NXPH1: variants seen among roughly 807,000 people sequenced by gnomAD.
NXPH1 encodes the protein neurexophilin 1.
In NXPH1, 5 loss-of-function variants were observed where a neutral mutation model predicts 23.7. The ratio of observed to expected loss-of-function variants is 0.21; its 90% CI spans 0.11 to 0.44. The LOEUF is 0.44. NXPH1 is among the 20% of genes least tolerant of loss of function. NXPH1 has a pLI of 0.99. For synonymous variants in NXPH1, 144 were observed against 122.2 expected (o/e 1.18, Z -1.18); for missense variants, 324 against 321.6 (o/e 1.01, Z -0.06).
intron 2 of NXPH1, among the ~76,000 whole-genome samples, chr7:8,513,240 G>A (rs1056936018): frequency 1.3e-5 from 2 of 152,010 alleles, no homozygotes; most frequent in African/African-American, 4.8e-5. Context: ...CAGTCCAGGT[G>A]CAGGAAACAG....
intron 2 of NXPH1, among the ~76,000 whole-genome samples, chr7:8,440,314 CAGA>C (rs1430600332): frequency 6.6e-6 from 1 of 152,206 alleles, no homozygotes; most frequent in Non-Finnish European, 1.5e-5. Context: ...GCCCCATTTC[CAGA>C]AGGATTATCT....
intron 2 of NXPH1, among the ~76,000 whole-genome samples, chr7:8,473,879 G>C (rs1459439696): frequency 6.6e-6 from 1 of 152,032 alleles, no homozygotes; most frequent in East Asian, 1.9e-4. Context: ...GCTTGGGCAG[G>C]ATGTCATTTC....
chr7:8,625,672 G>A (rs1819972322), intron 2 of NXPH1, among the ~76,000 whole-genome samples: 1 of 151,964 alleles, frequency 6.6e-6, no homozygotes, highest in Admixed American at 6.6e-5. Flanking sequence ...TTTACCAGAG[G>A]TTTGTTCAGA....
intron 2 of NXPH1, among the ~76,000 whole-genome samples, chr7:8,531,004 T>G (rs2128617272): frequency 6.6e-6 from 1 of 152,312 alleles, no homozygotes; most frequent in Non-Finnish European, 1.5e-5. Context: ...TTTTATATGT[T>G]GTAGTTTAAG....
At chr7:8,590,017 C>A (rs1296102070) in intron 2 of NXPH1, among the ~76,000 whole-genome samples, 1 of 152,102 alleles carries the variant, frequency 6.6e-6, no homozygotes, top group Non-Finnish European at 1.5e-5. Context: ...TCCCTCATGG[C>A]AGAAAGCTCT....
At chr7:8,714,141 A>C (rs1779841200) in intron 2 of NXPH1, among the ~76,000 whole-genome samples, 1 of 152,182 alleles carries the variant, frequency 6.6e-6, no homozygotes, top group African/African-American at 2.4e-5. Flanking sequence ...GCTGGTACTG[A>C]AACCACTACA....
intron 2 of NXPH1, among the ~76,000 whole-genome samples, chr7:8,499,300 A>AC (rs1020589618): frequency 6.6e-6 from 1 of 152,020 alleles, no homozygotes; most frequent in Non-Finnish European, 1.5e-5. Context: ...TGCCCAGGTG[A>AC]CCCCCAGCTG....
intron 2 of NXPH1, among the ~76,000 whole-genome samples, chr7:8,648,263 CT>C (rs1483943887): frequency 1.3e-5 from 2 of 151,782 alleles, no homozygotes; most frequent in East Asian, 1.9e-4. Context: ...TTTATTCATT[CT>C]TTTTTTTTCT....
chr7:8,496,975 G>C (rs1044552367), intron 2 of NXPH1, among the ~76,000 whole-genome samples: 2 of 151,860 alleles, frequency 1.3e-5, no homozygotes, highest in East Asian at 1.9e-4. Flanking sequence ...CCCATTAACT[G>C]GTCATTTACA....
rs140597603 is a variant in NXPH1 at position 8,679,422 on chromosome 7, T to C, written c.55-71586T>C. Among the ~76,000 whole-genome samples the C allele has an allele frequency of 4.7e-4, 72 of 152,302 alleles. No homozygotes were observed. In the East Asian group the frequency reaches 0.012, roughly 25 times the overall value. ...AAAGAGAAACTGTATCCCGTTTATC[T>C]GTGTATCTCATATAATGGCCAGGAT... On this transcript the variant is annotated intron_variant, in intron 2 of 2. Transcript: ENST00000405863.
At chr7:8,735,053 G>A (rs1780225137) in intron 2 of NXPH1, among the ~76,000 whole-genome samples, 1 of 152,126 alleles carries the variant, frequency 6.6e-6, no homozygotes, top group Admixed American at 6.5e-5. Flanking sequence ...TGAGACCATG[G>A]GGTTTTCTAA....
At chr7:8,511,373 A>G (rs1817608536) in intron 2 of NXPH1, among the ~76,000 whole-genome samples, 1 of 152,082 alleles carries the variant, frequency 6.6e-6, no homozygotes, top group Admixed American at 6.6e-5. Context: ...CTGCATGTGG[A>G]ACCTGTCCTG....
intron 2 of NXPH1, among the ~76,000 whole-genome samples, chr7:8,683,226 A>T (rs1467158232): frequency 2.6e-5 from 4 of 152,346 alleles, no homozygotes; most frequent in South Asian, 2.1e-4. Context: ...TTTTGCATAA[A>T]TGCATAGAGC....
rs1049639506 is a variant in NXPH1 at position 8,589,025 on chromosome 7, A to G, written c.54+153258A>G. On this transcript the variant is annotated intron_variant, in intron 2 of 2. Transcript: ENST00000405863. ...GTTTGTAATTTAAGAATAAAGCAGT[A>G]TGTTATTATCAGTGGAGGAAAAAGG... Among the ~76,000 whole-genome samples the G allele has an allele frequency of 2.0e-5, 3 of 152,282 alleles. No homozygotes were observed. In the East Asian group the frequency reaches 5.8e-4, roughly 29 times the overall value.
intron 2 of NXPH1, among the ~76,000 whole-genome samples, chr7:8,458,898 C>T (rs946162941): frequency 6.6e-6 from 1 of 152,054 alleles, no homozygotes; most frequent in Admixed American, 6.6e-5. Context: ...GAAAAGATCC[C>T]TCCTGGCATG....
At chr7:8,665,905 T>G (rs1189215834) in intron 2 of NXPH1, among the ~76,000 whole-genome samples, 1 of 84,514 alleles carries the variant, frequency 1.2e-5, no homozygotes, top group Non-Finnish European at 3.0e-5. Flanking sequence ...CTAAGAGGTT[T>G]TTTTTTCTTT....
At chr7:8,649,035 GT>G (rs57635072) in intron 2 of NXPH1, among the ~76,000 whole-genome samples, 108,739 of 150,266 alleles carry the variant, frequency 0.72, 39,805 homozygotes, top group East Asian at 1. Context: ...TACTTTTTTA[GT>G]TTTTTTTGTA....
chr7:8,655,451 TACACAC>T (rs71017603), intron 2 of NXPH1, among the ~76,000 whole-genome samples: 105 of 139,170 alleles, frequency 7.5e-4, no homozygotes, highest in African/African-American at 2.2e-3. Context: ...TCTCTCTCTA[TACACAC>T]ACACACACAC....
intron 2 of NXPH1, among the ~76,000 whole-genome samples, chr7:8,445,498 G>T (rs984705040): frequency 2.2e-4 from 34 of 152,206 alleles, no homozygotes; most frequent in African/African-American, 7.7e-4. Context: ...AGTGTAACGG[G>T]GCCTTCTAGA....
Sources: allele counts gnomAD v4.1 joint callset (sites outside exome capture counted in the v4.1 genomes callset), GRCh38; gene constraint gnomAD v4.1.1; transcripts MANE v1.5; gene names NCBI Gene and HGNC (gene_info 2026-07-23, HGNC 2026-07-21).